The following CRPPA variants were observed in gnomAD, a reference collection of about 807,000 sequenced individuals.
The protein encoded by CRPPA is CDP-L-ribitol pyrophosphorylase A, also known as D-ribitol-5-phosphate cytidylyltransferase.
CRPPA carries 43 observed loss-of-function variants against 52.0 expected under a neutral mutation model. That is an observed-to-expected ratio of 0.83 (90% CI 0.65 to 1.07). The LOEUF is 1.07. CRPPA is among the 50% of genes least tolerant of loss of function. The pLI is 0.00. For missense variants in CRPPA, 629 were observed against 551.7 expected, an observed-to-expected ratio of 1.14 and a Z score of -1.40; for synonymous variants, 250 against 203.5, an observed-to-expected ratio of 1.23 and a Z score of -1.94.
intron 9 of CRPPA, among the ~76,000 whole-genome samples, chr7:16,160,019 G>GT (rs377415752): frequency 1.5e-4 from 23 of 151,078 alleles, no homozygotes; most frequent in African/African-American, 3.9e-4. Flanking sequence ...ACTTTTTGAT[G>GT]TTTTTTTTTC....
intron 8 of CRPPA, among the ~76,000 whole-genome samples, chr7:16,255,889 T>C (rs145615502): frequency 2.2e-4 from 34 of 152,024 alleles, no homozygotes; most frequent in African/African-American, 7.2e-4. Context: ...ATGGGCAAAG[T>C]CTTCATGACT....
At chr7:16,359,394 G>C (rs1369217793) in intron 3 of CRPPA, among the ~76,000 whole-genome samples, 1 of 152,160 alleles carries the variant, frequency 6.6e-6, no homozygotes, top group African/African-American at 2.4e-5. Flanking sequence ...GAATTGCTTG[G>C]TAGTCAACAG....
intron 5 of CRPPA, among the ~76,000 whole-genome samples, chr7:16,295,136 G>T (rs1167797515): frequency 1.3e-5 from 2 of 151,974 alleles, no homozygotes; most frequent in South Asian, 2.1e-4. Context: ...AAATATAAAA[G>T]AATTTAACTG....
chr7:16,172,306 C>T (rs1781206332), intron 9 of CRPPA, among the ~76,000 whole-genome samples: 1 of 152,094 alleles, frequency 6.6e-6, no homozygotes, highest in Non-Finnish European at 1.5e-5. Context: ...AGCTATCAGT[C>T]AGCTGCTGGG....
At chr7:16,317,110 T>C (rs907735476) in intron 3 of CRPPA, among the ~76,000 whole-genome samples, 4 of 152,130 alleles carry the variant, frequency 2.6e-5, no homozygotes, top group Non-Finnish European at 5.9e-5. Flanking sequence ...TGCATTCTCA[T>C]GAATATGAGG....
chr7:16,314,658 G>GA (rs1562626242), intron 3 of CRPPA, among the ~76,000 whole-genome samples: 1 of 151,864 alleles, frequency 6.6e-6, no homozygotes, highest in Non-Finnish European at 1.5e-5. Flanking sequence ...CTTTACTTTT[G>GA]AAAAATAATT....
intron 4 of CRPPA, among the ~76,000 whole-genome samples, chr7:16,307,028 T>C (rs1238569005): frequency 6.6e-6 from 1 of 152,166 alleles, no homozygotes; most frequent in East Asian, 1.9e-4. Context: ...AGGCTGATCA[T>C]GTTACTGTGC....
intron 9 of CRPPA, among the ~76,000 whole-genome samples, chr7:16,201,362 C>G (rs189453828): frequency 6.6e-6 from 1 of 152,240 alleles, no homozygotes; most frequent in Admixed American, 6.5e-5. Context: ...GTGAGAACCT[C>G]CATCGCAGTC....
chr7:16,141,590 G>C (rs569187632), intron 9 of CRPPA, among the ~76,000 whole-genome samples: 1 of 151,974 alleles, frequency 6.6e-6, no homozygotes, highest in African/African-American at 2.4e-5. Context: ...TCTATCATTC[G>C]CTGTAATTCT....
At chr7:16,249,426 C>T (rs1388450388) in intron 8 of CRPPA, among the ~76,000 whole-genome samples, 3 of 152,212 alleles carry the variant, frequency 2.0e-5, no homozygotes, top group African/African-American at 7.2e-5. Context: ...CCCGCGTAGC[C>T]TGACTGGGAG....
intron 8 of CRPPA, among the ~76,000 whole-genome samples, chr7:16,247,335 C>T (rs1783303391): frequency 6.6e-6 from 1 of 152,108 alleles, no homozygotes; most frequent in Admixed American, 6.6e-5. Context: ...CTTGAACACA[C>T]AGGGGTCATT....
At chr7:16,107,620 GT>G (rs1562507523) in intron 9 of CRPPA, among the ~76,000 whole-genome samples, 1 of 151,994 alleles carries the variant, frequency 6.6e-6, no homozygotes, top group East Asian at 1.9e-4. Flanking sequence ...GGTAAAGCAA[GT>G]TTTTTAAACT....
At chr7:16,309,854 T>G (rs1360342888) in intron 3 of CRPPA, among the ~76,000 whole-genome samples, 2 of 152,164 alleles carry the variant, frequency 1.3e-5, no homozygotes, top group Non-Finnish European at 2.9e-5. Flanking sequence ...TGCAGTCTCC[T>G]CTCTTGTGAT....
intron 9 of CRPPA, among the ~76,000 whole-genome samples, chr7:16,160,025 T>C (rs1783269338): frequency 6.6e-6 from 1 of 152,178 alleles, no homozygotes; most frequent in African/African-American, 2.4e-5. Context: ...TGATGTTTTT[T>C]TTTCTTGTAA....
chr7:16,203,544 T>G (rs951725669), intron 9 of CRPPA, among the ~76,000 whole-genome samples: 2 of 152,186 alleles, frequency 1.3e-5, no homozygotes, highest in Non-Finnish European at 2.9e-5. Context: ...GCAGTATATT[T>G]TATAGTACAT....
At chr7:16,382,686 C>T (rs531520425) in intron 2 of CRPPA, among the ~76,000 whole-genome samples, 78 of 152,062 alleles carry the variant, frequency 5.1e-4, no homozygotes, top group Middle Eastern at 3.4e-3. Flanking sequence ...AGGCTTTGTT[C>T]GTTTCTTTTT....
chr7:16,329,415 T>C (rs1785497720), intron 3 of CRPPA, among the ~76,000 whole-genome samples: 2 of 152,202 alleles, frequency 1.3e-5, no homozygotes, highest in African/African-American at 2.4e-5. Context: ...AGCCACAAAA[T>C]ATATTCCCCT....
intron 9 of CRPPA, among the ~76,000 whole-genome samples, chr7:16,200,485 C>G (rs371771928): frequency 6.6e-6 from 1 of 152,180 alleles, no homozygotes. Flanking sequence ...TAAACTTTCT[C>G]TGCAAGGCAT....
chr7:16,294,894 T>C (rs367991869), intron 5 of CRPPA, among the ~76,000 whole-genome samples: 1 of 152,030 alleles, frequency 6.6e-6, no homozygotes, highest in South Asian at 2.1e-4. Context: ...TCTTTCCAAC[T>C]TGATCCAAGG....
Sources: gnomAD v4.1 joint callset for allele counts (sites outside exome capture counted in the v4.1 genomes callset) on GRCh38, gnomAD v4.1.1 for gene constraint, MANE v1.5 for transcripts, NCBI Gene and HGNC (gene_info 2026-07-23, HGNC 2026-07-21) for gene names.